RUNX1: variants seen among roughly 807,000 people sequenced by gnomAD.
The protein encoded by RUNX1 is runt-related transcription factor 1.
Under a neutral mutation model 42.8 loss-of-function variants are expected in RUNX1, and 19 were observed. That is an observed-to-expected ratio of 0.44 (90% CI 0.31 to 0.65). The LOEUF (loss-of-function observed/expected upper bound fraction) is 0.65. Ranked by LOEUF, RUNX1 falls within the 30% of genes least tolerant of loss-of-function variation. The probability of loss-of-function intolerance (pLI) is 0.07; values close to 1 mark genes in which losing one functional copy is unlikely to be tolerated. For synonymous variants in RUNX1, 271 were observed against 289.4 expected (o/e 0.94, Z 0.64); for missense variants, 528 against 672.0 (o/e 0.79, Z 2.37).
chr21:35,047,557 ACACACT>A (rs878937402), intron 2 of RUNX1, among the ~76,000 whole-genome samples: 1,183 of 75,400 alleles, frequency 0.016, 3 homozygotes, highest in South Asian at 0.028. Context: ...ACACACACAC[ACACACT>A]CTCTCTCTCT....
Position 34,956,482 on chromosome 21 carries a change from T to A in RUNX1, c.59-63519A>T, listed in dbSNP as rs2058644976. ...TCCTTGGGTCTTCGAAAGGCCACTT[T>A]TATGTCTGCAGCTCCATAGAGATAC... is the stretch of plus-strand genomic sequence containing the variant. On this transcript the variant is annotated intron_variant, in intron 2 of 8. Coordinates refer to ENST00000675419, the MANE Select transcript of RUNX1 (RefSeq NM_001754.5). Among the ~76,000 whole-genome samples the A allele has an allele frequency of 2.0e-5, 3 of 152,186 alleles. No homozygotes were observed. In the South Asian group the frequency reaches 6.2e-4, roughly 31 times the overall value.
At chr21:34,836,737 C>T (rs2057152796) in intron 6 of RUNX1, among the ~76,000 whole-genome samples, 1 of 152,208 alleles carries the variant, frequency 6.6e-6, no homozygotes, top group Non-Finnish European at 1.5e-5. Flanking sequence ...TCCTCAGGCA[C>T]TTAGTGGCAT....
At chr21:35,012,051 A>G (rs972540023) in intron 2 of RUNX1, among the ~76,000 whole-genome samples, 6 of 152,204 alleles carry the variant, frequency 3.9e-5, no homozygotes, top group African/African-American at 1.4e-4. Flanking sequence ...GTCAGAAACA[A>G]ACTTTGAATT....
intron 4 of RUNX1, among the ~76,000 whole-genome samples, chr21:34,882,663 C>A (rs2057922426): frequency 6.6e-6 from 1 of 151,332 alleles, no homozygotes; most frequent in Non-Finnish European, 1.5e-5. Context: ...ATAAATCTCC[C>A]TGATCAGTTA....
Position 35,048,949 on chromosome 21 carries a change from T to C in RUNX1, c.-50A>G. On this transcript the variant is annotated 5_prime_UTR_variant, in exon 2 of 9. Transcript: ENST00000675419. Reference sequence around the variant, plus strand: ...CTTCTGAAGGCGGGGGACTCAATGATTTCTTTTACCTTCGGAGCGAAAACC... The same window carrying C: ...CTTCTGAAGGCGGGGGACTCAATGACTTCTTTTACCTTCGGAGCGAAAACC... The C allele has an allele frequency of 6.4e-7, 1 of 1,560,800 alleles. No homozygotes were observed. The highest frequency in any genetic ancestry group is 8.8e-7 in the Non-Finnish European group (1 of 1,132,282).
intron 5 of RUNX1, among the ~76,000 whole-genome samples, chr21:34,872,339 C>T (rs928170976): frequency 3.3e-5 from 5 of 152,140 alleles, no homozygotes; most frequent in Non-Finnish European, 5.9e-5. Context: ...CAGTGGGGAG[C>T]CTTCTCGGAG....
intron 2 of RUNX1, among the ~76,000 whole-genome samples, chr21:34,903,307 G>A (rs1288864409): frequency 1.3e-5 from 2 of 151,988 alleles, no homozygotes; most frequent in African/African-American, 2.4e-5. Flanking sequence ...CAAAATAATA[G>A]TTTAAAAATA....
intron 2 of RUNX1, among the ~76,000 whole-genome samples, chr21:34,908,432 A>T (rs573875439): frequency 6.6e-6 from 1 of 152,336 alleles, no homozygotes; most frequent in Admixed American, 6.5e-5. Context: ...CCTCGGGGAA[A>T]AAAAGTAGTA....
chr21:34,956,798 T>C (rs933006558), intron 2 of RUNX1, among the ~76,000 whole-genome samples: 1 of 152,146 alleles, frequency 6.6e-6, no homozygotes, highest in Non-Finnish European at 1.5e-5. Flanking sequence ...TTCTCTCCCA[T>C]ATATACAGTG....
At chr21:34,928,686 A>G in intron 2 of RUNX1, among the ~76,000 whole-genome samples, 1 of 152,026 alleles carries the variant, frequency 6.6e-6, no homozygotes, top group East Asian at 1.9e-4. Context: ...TCTTAAAAAA[A>G]AAAAAAAGGC....
At chr21:34,820,385 C>T (rs867273405) in intron 7 of RUNX1, among the ~76,000 whole-genome samples, 2 of 152,138 alleles carry the variant, frequency 1.3e-5, no homozygotes, top group Non-Finnish European at 2.9e-5. Context: ...CATGGTGGCT[C>T]ATGCCTGTAA....
chr21:34,900,176 A>G (rs1230401732), intron 2 of RUNX1, among the ~76,000 whole-genome samples: 1 of 152,248 alleles, frequency 6.6e-6, no homozygotes, highest in Non-Finnish European at 1.5e-5. Flanking sequence ...CATGTAATCA[A>G]TATGAAAATT....
At chr21:34,975,163 C>T (rs2058791790) in intron 2 of RUNX1, among the ~76,000 whole-genome samples, 1 of 152,262 alleles carries the variant, frequency 6.6e-6, no homozygotes, top group African/African-American at 2.4e-5. Flanking sequence ...GAGGAAAAGA[C>T]TTCCCCCTGG....
At chr21:34,876,461 A>T (rs539034121) in intron 5 of RUNX1, among the ~76,000 whole-genome samples, 31 of 152,318 alleles carry the variant, frequency 2.0e-4, no homozygotes, top group South Asian at 6.2e-4. Flanking sequence ...CAAATTCACA[A>T]ATTTTTGGCC....
intron 2 of RUNX1, among the ~76,000 whole-genome samples, chr21:34,948,349 C>T (rs1427700218): frequency 6.6e-6 from 1 of 152,138 alleles, no homozygotes; most frequent in Non-Finnish European, 1.5e-5. Flanking sequence ...TGCCCCACCT[C>T]AAGCAAGAGT....
intron 2 of RUNX1, among the ~76,000 whole-genome samples, chr21:35,034,926 G>A (rs2059296982): frequency 2.0e-5 from 3 of 152,156 alleles, no homozygotes; most frequent in Admixed American, 6.5e-5. Flanking sequence ...GCCTGAGTCT[G>A]TTCCTGTTAT....
In RUNX1 at chr21:34,996,419, G is replaced by C. The variant is rs1234828565; in HGVS notation, c.58+52423C>G. 2.0e-5 allele frequency among the ~76,000 whole-genome samples: 3 copies of C among 152,118 alleles called. No individual in the cohort carries two copies. In the East Asian group the frequency reaches 5.8e-4, roughly 29 times the overall value. Reference sequence around the variant, plus strand: ...GGGCTGGGGGAGATCTATCAGAAGAGAGCAGGCTGCAGGGACGTCCTCCTG... The same window carrying C: ...GGGCTGGGGGAGATCTATCAGAAGACAGCAGGCTGCAGGGACGTCCTCCTG... On this transcript the variant is annotated intron_variant, in intron 2 of 8. Transcript: ENST00000675419.
intron 2 of RUNX1, among the ~76,000 whole-genome samples, 154 bp downstream of exon 2, chr21:35,048,688 T>G (rs1445802902): frequency 2.0e-5 from 3 of 152,220 alleles, no homozygotes; most frequent in Non-Finnish European, 2.9e-5. Flanking sequence ...TCCAATAGAC[T>G]TGTAATCATA....
At chr21:35,044,792 T>A (rs1376409844) in intron 2 of RUNX1, among the ~76,000 whole-genome samples, 1 of 152,234 alleles carries the variant, frequency 6.6e-6, no homozygotes, top group African/African-American at 2.4e-5. Context: ...GGGCTACATA[T>A]TTTCTGAGCA....
Sources: allele counts gnomAD v4.1 joint callset (sites outside exome capture counted in the v4.1 genomes callset), GRCh38; gene constraint gnomAD v4.1.1; transcripts MANE v1.5; gene names NCBI Gene and HGNC (gene_info 2026-07-23, HGNC 2026-07-21).